CYRIA: variants seen among roughly 807,000 people sequenced by gnomAD.
CYRIA encodes the protein CYFIP-related Rac1 interactor A.
A neutral mutation model predicts 43.9 loss-of-function variants in CYRIA; 15 were observed. The ratio of observed to expected loss-of-function variants is 0.34; its 90% CI spans 0.23 to 0.53. The LOEUF (loss-of-function observed/expected upper bound fraction) is 0.53, where lower values mean the gene tolerates loss of function less well. CYRIA is among the 20% of genes least tolerant of loss of function. CYRIA has a pLI of 0.94. For missense variants in CYRIA, 236 were observed against 394.2 expected, an observed-to-expected ratio of 0.60 and a Z score of 3.40; for synonymous variants, 117 against 136.0, an observed-to-expected ratio of 0.86 and a Z score of 0.97.
intron 9 of CYRIA, among the ~76,000 whole-genome samples, chr2:16,560,040 GC>G (rs907752583): frequency 9.2e-5 from 14 of 152,132 alleles, no homozygotes; most frequent in Admixed American, 3.3e-4. Context: ...TATTGGATTG[GC>G]AAAAATACCT....
Position 16,621,935 on chromosome 2 carries a change from C to T in CYRIA, c.-11+1929G>A, listed in dbSNP as rs535623153. Among the ~76,000 whole-genome samples, 14 of 152,240 alleles carry T rather than the reference C, an allele frequency of 9.2e-5. No individual in the cohort carries two copies. The East Asian group carries it at 2.7e-3, about 29-fold the overall frequency. Reference sequence around the variant, plus strand: ...AATGCAAGCTCCTTGAGAACAGGAACTTGGTTTTGTTCTGTCCTGTATCCC... The same window carrying T: ...AATGCAAGCTCCTTGAGAACAGGAATTTGGTTTTGTTCTGTCCTGTATCCC... On this transcript the variant is annotated intron_variant, in intron 2 of 11. Transcript: ENST00000381323.
chr2:16,581,439 G>A (rs1332329484), intron 3 of CYRIA, among the ~76,000 whole-genome samples: 1 of 152,114 alleles, frequency 6.6e-6, no homozygotes, highest in African/African-American at 2.4e-5. Context: ...GAAAATGACT[G>A]ACAATACCAA....
chr2:16,660,359 C>G (rs1670216220), intron 1 of CYRIA, among the ~76,000 whole-genome samples: 1 of 152,208 alleles, frequency 6.6e-6, no homozygotes. Flanking sequence ...CGTGCTCCCT[C>G]TCTATGCAAC....
chr2:16,626,985 A>G (rs967658844), intron 1 of CYRIA, among the ~76,000 whole-genome samples: 3 of 152,082 alleles, frequency 2.0e-5, no homozygotes, highest in African/African-American at 7.3e-5. Context: ...CAGTTTATAA[A>G]TGGAGAAGCC....
chr2:16,562,064 C>A lies in CYRIA; in HGVS notation c.376G>T (p.Ala126Ser). The A allele has an allele frequency of 6.2e-7, 1 of 1,613,592 alleles. No homozygotes were observed. Among genetic ancestry groups the A allele is most frequent in the Non-Finnish European group, 8.5e-7 (1 of 1,179,628 alleles). The change falls in exon 6 of 12, where the codon GCC (alanine) becomes TCC (serine). Residue 126 changes from alanine to serine, a missense_variant. Ala to Ser is a moderately conservative substitution (Grantham distance 99). Coordinates refer to ENST00000381323, the MANE Select transcript of CYRIA (RefSeq NM_030797.4). ...TPTQHLEREQ[A>S]LAKEFAEILH... ...ATTTCGGCAAACTCCTTTGCCAGGG[C>A]CTGTTCCCTTTCCAGGTGTTGGGTT... is the stretch of plus-strand genomic sequence containing the variant.
chr2:16,626,196 G>T (rs1290047983), intron 1 of CYRIA, among the ~76,000 whole-genome samples: 1 of 152,000 alleles, frequency 6.6e-6, no homozygotes, highest in Non-Finnish European at 1.5e-5. Context: ...ACTATTCATA[G>T]ACCCCTGATG....
intron 4 of CYRIA, 124 bp downstream of exon 4, chr2:16,565,522 G>C: frequency 8.4e-7 from 1 of 1,195,852 alleles, no homozygotes; most frequent in Non-Finnish European, 1.1e-6. Context: ...TACCCTCCTT[G>C]TTCTTCCTGG....
At chr2:16,563,049 T>C (rs1666802150) in intron 5 of CYRIA, among the ~76,000 whole-genome samples, 1 of 152,156 alleles carries the variant, frequency 6.6e-6, no homozygotes, top group South Asian at 2.1e-4. Flanking sequence ...TTTGAGATAT[T>C]TCCATCTGTA....
intron 1 of CYRIA, among the ~76,000 whole-genome samples, chr2:16,641,455 C>T (rs924969801): frequency 6.6e-5 from 10 of 152,160 alleles, no homozygotes; most frequent in Non-Finnish European, 1.0e-4. Context: ...GCATTCAAGG[C>T]CGAATTTAAA....
At chr2:16,655,043 G>A (rs539095512) in intron 1 of CYRIA, among the ~76,000 whole-genome samples, 2 of 152,160 alleles carry the variant, frequency 1.3e-5, no homozygotes, top group Non-Finnish European at 2.9e-5. Flanking sequence ...AGTGTGAAAG[G>A]GAGAAAGAGG....
chr2:16,563,087 G>C (rs1302978083), intron 5 of CYRIA, among the ~76,000 whole-genome samples: 5 of 152,156 alleles, frequency 3.3e-5, no homozygotes, highest in Non-Finnish European at 7.4e-5. Context: ...GAGGCAGCCA[G>C]TTCTACCTTG....
intron 2 of CYRIA, among the ~76,000 whole-genome samples, chr2:16,612,933 G>A (rs1668655630): frequency 6.6e-6 from 1 of 152,164 alleles, no homozygotes; most frequent in South Asian, 2.1e-4. Context: ...GGTAGTGAAT[G>A]TGTCTCATGA....
intron 3 of CYRIA, among the ~76,000 whole-genome samples, chr2:16,572,686 C>G (rs1667179044): frequency 6.6e-6 from 1 of 152,190 alleles, no homozygotes; most frequent in Admixed American, 6.5e-5. Flanking sequence ...TTTAAGAGTA[C>G]AATGATTTGA....
chr2:16,587,998 A>T, intron 3 of CYRIA, 52 bp downstream of exon 3: 3 of 1,131,340 alleles, frequency 2.7e-6, no homozygotes, highest in African/African-American at 3.1e-5. Flanking sequence ...CCTTATCAAC[A>T]ATCTATAAGG....
intron 3 of CYRIA, among the ~76,000 whole-genome samples, chr2:16,580,129 G>C (rs1667501358): frequency 6.6e-6 from 1 of 151,846 alleles, no homozygotes; most frequent in South Asian, 2.1e-4. Context: ...TGTATTTTTT[G>C]TAGAGATGAG....
At chr2:16,621,441 C>T (rs1668991572) in intron 2 of CYRIA, among the ~76,000 whole-genome samples, 1 of 152,156 alleles carries the variant, frequency 6.6e-6, no homozygotes, top group African/African-American at 2.4e-5. Flanking sequence ...GTCCCAGTAG[C>T]TAGGGCCCAG....
rs530488976 is a variant in CYRIA at position 16,626,235 on chromosome 2, C to T, written c.-166-2216G>A. The stretch of plus-strand genomic sequence containing the variant: ...ACCAAGGGGTAGAGAATGCAGAGCC[C>T]GTAAGCCATCACATACTGGTTCCCC... On this transcript the variant is annotated intron_variant, in intron 1 of 11. Transcript: ENST00000381323. Among the ~76,000 whole-genome samples the T allele has an allele frequency of 5.9e-5, 9 of 152,184 alleles. No homozygotes were observed. The East Asian group carries it at 1.2e-3, about 20-fold the overall frequency.
At chr2:16,580,208 A>G (rs1308319347) in intron 3 of CYRIA, among the ~76,000 whole-genome samples, 3 of 152,198 alleles carry the variant, frequency 2.0e-5, no homozygotes, top group Admixed American at 2.0e-4. Flanking sequence ...TCAGCCTCCC[A>G]AAGGTATGGT....
intron 10 of CYRIA, among the ~76,000 whole-genome samples, chr2:16,555,750 T>G (rs1666485935): frequency 6.6e-6 from 1 of 152,116 alleles, no homozygotes; most frequent in South Asian, 2.1e-4. Flanking sequence ...CAGAGAAACT[T>G]GGAGAATTTA....
Sources: allele counts gnomAD v4.1 joint callset (sites outside exome capture counted in the v4.1 genomes callset), GRCh38; gene constraint gnomAD v4.1.1; transcripts MANE v1.5; gene names NCBI Gene and HGNC (gene_info 2026-07-23, HGNC 2026-07-21).